Variants in RPF1 observed in about 807,000 individuals in gnomAD.
The protein encoded by RPF1 is ribosome production factor 1.
RPF1 carries 34 observed loss-of-function variants against 41.9 expected under a neutral mutation model. That is an observed-to-expected ratio of 0.81 (90% CI 0.62 to 1.08). The LOEUF (loss-of-function observed/expected upper bound fraction) is 1.08. Among genes scored for constraint, RPF1 ranks in the 50% least tolerant of loss-of-function variants. RPF1 has a pLI of 0.00. For missense variants in RPF1, 425 were observed against 435.2 expected (o/e 0.98, Z 0.21); for synonymous variants, 140 against 148.9 (o/e 0.94, Z 0.43).
intron 3 of RPF1, among the ~76,000 whole-genome samples, chr1:84,484,266 TAAATA>T (rs1369458694): frequency 6.6e-6 from 1 of 152,184 alleles, no homozygotes; most frequent in Non-Finnish European, 1.5e-5. Context: ...TATTCCCTCT[TAAATA>T]AGAGTAAGTG....
At chr1:84,480,823 A>T (rs926574884) in intron 1 of RPF1, 133 bp from the exon 2 acceptor site, 3 of 520,728 alleles carry the variant, frequency 5.8e-6, no homozygotes, top group Non-Finnish European at 1.0e-5. Flanking sequence ...CCACGTCCAG[A>T]TGCTTATTTC....
At chr1:84,493,615 C>T (rs1028955209) in intron 5 of RPF1, among the ~76,000 whole-genome samples, 4 of 151,796 alleles carry the variant, frequency 2.6e-5, no homozygotes, top group South Asian at 2.1e-4. Flanking sequence ...GAAAAAAATT[C>T]CCATCCCTAC....
intron 3 of RPF1, among the ~76,000 whole-genome samples, chr1:84,484,874 A>T (rs1000831980): frequency 1.3e-5 from 2 of 151,988 alleles, no homozygotes; most frequent in African/African-American, 4.8e-5. Context: ...GGGTTTCACC[A>T]TGTTGGCCAG....
At chr1:84,490,269 TTTA>T (rs1487764340) in intron 4 of RPF1, 47 bp from the exon 5 acceptor site, 1 of 1,294,078 alleles carries the variant, frequency 7.7e-7, no homozygotes, top group African/African-American at 1.5e-5. Context: ...ACATAAGATT[TTTA>T]TTCTTTTTTG....
chr1:84,493,559 C>A (rs1415311191), intron 5 of RPF1, among the ~76,000 whole-genome samples: 1 of 149,512 alleles, frequency 6.7e-6, no homozygotes, highest in East Asian at 1.9e-4. Context: ...CATTGCACTT[C>A]AGCCTGGGCT....
In RPF1 at chr1:84,498,128, G is replaced by A. The variant is rs983880973; in HGVS notation, c.*658G>A. Among the ~76,000 whole-genome samples, 2 of 152,090 alleles carry A rather than the reference G, an allele frequency of 1.3e-5. No homozygotes were observed. Among genetic ancestry groups the A allele is most frequent in the African/African-American group, 4.8e-5 (2 of 41,392 alleles). On this transcript the variant is annotated 3_prime_UTR_variant, in exon 9 of 9. Transcript: ENST00000370654. The stretch of plus-strand genomic sequence containing the variant: ...AGTAACTCATGGATGGAAACCCGTA[G>A]AACTTAACAGCCTCCTCCTGACCTT...
chr1:84,497,520 T>C lies in RPF1; in HGVS notation c.*50T>C, dbSNP rs745324345. Reference sequence around the variant, plus strand: ...TTTGCTGAACAGGCCTATCTTGAACTTTGGTAAATTATTTTTGACAGAATA... The same window carrying C: ...TTTGCTGAACAGGCCTATCTTGAACCTTGGTAAATTATTTTTGACAGAATA... On this transcript the variant is annotated 3_prime_UTR_variant, in exon 9 of 9. Transcript: ENST00000370654. 3.0e-6 allele frequency: 4 copies of C among 1,346,448 alleles called. No individual in the cohort carries two copies. Among genetic ancestry groups the C allele is most frequent in the Non-Finnish European group, 4.1e-6 (4 of 966,702 alleles). The allele number at this position is 1,346,448 out of a possible 1,614,324, so 83.4% of individuals were successfully genotyped here.
chr1:84,486,060 C>G (rs201668404), intron 3 of RPF1, among the ~76,000 whole-genome samples: 1 of 151,886 alleles, frequency 6.6e-6, no homozygotes, highest in Non-Finnish European at 1.5e-5. Flanking sequence ...AAAAAGAGCC[C>G]CAGAATGAGA....
chr1:84,486,038 C>T (rs1681729406), intron 3 of RPF1, among the ~76,000 whole-genome samples: 1 of 152,068 alleles, frequency 6.6e-6, no homozygotes, highest in Non-Finnish European at 1.5e-5. Context: ...AGGAAATTAG[C>T]CATCTTTGGG....
chr1:84,496,172 TATC>T (rs2101888170), intron 7 of RPF1, 69 bp from the exon 8 acceptor site: 2 of 1,499,250 alleles, frequency 1.3e-6, no homozygotes, highest in East Asian at 4.5e-5. Flanking sequence ...TAAAATGAAT[TATC>T]TTTTGAACCC....
chr1:84,489,269 G>A (rs755210183), intron 3 of RPF1, among the ~76,000 whole-genome samples: 4 of 151,764 alleles, frequency 2.6e-5, no homozygotes, highest in Non-Finnish European at 2.9e-5. Flanking sequence ...TTGTCTTCTC[G>A]TAATTTCATT....
chr1:84,491,779 A>G (rs535179564), intron 5 of RPF1, among the ~76,000 whole-genome samples: 12 of 152,330 alleles, frequency 7.9e-5, no homozygotes, highest in East Asian at 3.9e-4. Context: ...GCATTCATCA[A>G]TTCAATAAAT....
chr1:84,481,754 T>C (rs1013788303), intron 2 of RPF1, among the ~76,000 whole-genome samples: 3 of 152,208 alleles, frequency 2.0e-5, no homozygotes, highest in Admixed American at 6.5e-5. Flanking sequence ...GTATTTATAG[T>C]TACTCCTAGG....
intron 3 of RPF1, among the ~76,000 whole-genome samples, chr1:84,488,236 T>C (rs1347309932): frequency 6.6e-6 from 1 of 152,108 alleles, no homozygotes; most frequent in Admixed American, 6.5e-5. Flanking sequence ...ATGTATATAA[T>C]ATATATTTAC....
chr1:84,482,937 A>G lies in RPF1; in HGVS notation c.308A>G (p.Lys103Arg). Residue 103 changes from lysine to arginine, a missense_variant, in exon 3 of 9, where the codon AAG becomes AGG. By Grantham distance (26) the Lys-to-Arg change is conservative. Transcript: ENST00000370654. Reference protein sequence around the residue: ...GDKAPPKPVPKTIDNQRVYDE... With the variant: ...GDKAPPKPVPRTIDNQRVYDE... The stretch of plus-strand genomic sequence containing the variant: ...TAGGCTCCACCAAAGCCTGTACCCA[A>G]GACCATTGACAACCAGCGAGTGTAT... 6.2e-7 allele frequency: 1 copy of G among 1,611,614 alleles called. No homozygotes were observed. The highest frequency in any genetic ancestry group is 8.5e-7 in the Non-Finnish European group (1 of 1,177,778).
chr1:84,483,546 C>T (rs1681688896), intron 3 of RPF1, among the ~76,000 whole-genome samples: 1 of 152,172 alleles, frequency 6.6e-6, no homozygotes, highest in Non-Finnish European at 1.5e-5. Context: ...GGATTACAGG[C>T]ATGAGCCACT....
rs1295388630 is a variant in RPF1 at position 84,496,244 on chromosome 1, A to G, written c.882A>G (p.Arg294=). The G allele has an allele frequency of 1.2e-6, 2 of 1,609,946 alleles. No individual in the cohort carries two copies. Among genetic ancestry groups the G allele is most frequent in the South Asian group, 1.1e-5 (1 of 90,266 alleles). ...AATTTAACTCTTTTTGTCTTTGAAG[A>G]TACATATTCAGGAGTGAAAAGAAAG... is the stretch of plus-strand genomic sequence containing the variant. ...QRDYIFFRFH[R]YIFRSEKKVG... Residue 294 remains arginine (R), a splice_region_variant and synonymous_variant, in exon 8 of 9, where the codon AGA becomes AGG. Transcript: ENST00000370654.
chr1:84,479,845 T>A (rs1681611126), intron 1 of RPF1, among the ~76,000 whole-genome samples: 1 of 152,196 alleles, frequency 6.6e-6, no homozygotes, highest in Non-Finnish European at 1.5e-5. Context: ...CTTTGGTCCG[T>A]CTAGGTAGCG....
intron 2 of RPF1, 103 bp from the exon 3 acceptor site, chr1:84,482,812 A>G (rs1438575874): frequency 3.0e-6 from 2 of 669,266 alleles, no homozygotes; most frequent in South Asian, 2.0e-5. Context: ...TATGAGGAAC[A>G]GATTGAGTTT....
Sources: allele counts gnomAD v4.1 joint callset (sites outside exome capture counted in the v4.1 genomes callset), GRCh38; gene constraint gnomAD v4.1.1; transcripts MANE v1.5; gene names NCBI Gene and HGNC (gene_info 2026-07-23, HGNC 2026-07-21).